EIF2A: variants seen among roughly 807,000 people sequenced by gnomAD.
EIF2A encodes 65 kDa eukaryotic translation initiation factor 2A.
A neutral mutation model predicts 75.2 loss-of-function variants in EIF2A; 62 were observed. That is an observed-to-expected ratio of 0.82 (90% confidence interval 0.67 to 1.02). The LOEUF (loss-of-function observed/expected upper bound fraction) is 1.02. Among genes scored for constraint, EIF2A ranks in the 50% least tolerant of loss-of-function variants. The pLI, the probability that EIF2A is intolerant of heterozygous loss-of-function variation, is 0.00. For missense variants in EIF2A, 611 were observed against 677.7 expected, an observed-to-expected ratio of 0.90 and a Z score of 1.09; for synonymous variants, 207 against 239.0, an observed-to-expected ratio of 0.87 and a Z score of 1.23.
intron 1 of EIF2A, among the ~76,000 whole-genome samples, chr3:150,550,164 AT>A (rs1360939083): frequency 1.3e-5 from 2 of 152,128 alleles, no homozygotes; most frequent in Non-Finnish European, 2.9e-5. Context: ...TGCATTCTAG[AT>A]TTTTCTTTCT....
chr3:150,567,791 T>G (rs766386697), intron 7 of EIF2A, 25 bp downstream of exon 7: 2 of 1,570,032 alleles, frequency 1.3e-6, no homozygotes, highest in Non-Finnish European at 8.6e-7. Context: ...TGTTTATGTG[T>G]AATATTATGT....
Position 150,568,752 on chromosome 3 carries a change from C to T in EIF2A, c.811+460C>T, listed in dbSNP as rs983243145. 1.2e-4 allele frequency among the ~76,000 whole-genome samples: 18 copies of T among 152,016 alleles called. 2 individuals are homozygous for T. The highest frequency in any genetic ancestry group is 1.1e-3 in the Admixed American group (17 of 15,252). The stretch of plus-strand genomic sequence containing the variant: ...TCAACATAGTGAGACCCTACCTCTA[C>T]AAAAAATAGAAAAAGTTAGCCAGGC... On this transcript the variant is annotated intron_variant, in intron 9 of 13. Coordinates refer to ENST00000460851, the MANE Select transcript of EIF2A (RefSeq NM_032025.5).
intron 2 of EIF2A, 137 bp downstream of exon 2, chr3:150,552,562 G>T: frequency 1.5e-6 from 1 of 658,546 alleles, no homozygotes; most frequent in Non-Finnish European, 2.5e-6. Flanking sequence ...TACCGAAGAT[G>T]AAAAGAATAC....
chr3:150,564,318 G>A lies in EIF2A; in HGVS notation c.412G>A (p.Asp138Asn), dbSNP rs1469728290. ...MQNWCPSWSE[D>N]ETLCARNVNN... is the part of the protein sequence containing the mutation. ...ACATAGGTGTCCATCCTGGTCAGAA[G>A]ATGAAACTCTTTGTGCCCGCAATGT... The change falls in exon 6 of 14, where the codon GAT (aspartate) becomes AAT (asparagine). Residue 138 changes from aspartate to asparagine, a missense_variant. Coordinates refer to ENST00000460851, the MANE Select transcript of EIF2A (RefSeq NM_032025.5). The A allele has an allele frequency of 6.3e-7, 1 of 1,595,114 alleles. No individual in the cohort carries two copies.
At chr3:150,553,254 T>C (rs1576587658) in intron 2 of EIF2A, among the ~76,000 whole-genome samples, 1 of 136,598 alleles carries the variant, frequency 7.3e-6, no homozygotes, top group South Asian at 2.3e-4. Flanking sequence ...AACCCGGAGG[T>C]GGAGGTTGCA....
At chr3:150,564,806 T>C (rs1559879361) in intron 6 of EIF2A, 1 of 181,246 alleles carries the variant, frequency 5.5e-6, no homozygotes, top group Non-Finnish European at 1.2e-5. Flanking sequence ...GATATGGTTA[T>C]ACTTTTATAT....
At chr3:150,567,541 T>C in intron 6 of EIF2A, 152 bp from the exon 7 acceptor site, 1 of 586,990 alleles carries the variant, frequency 1.7e-6, no homozygotes, top group East Asian at 3.0e-5. Flanking sequence ...TACCCCATGC[T>C]TTTTCCACTG....
Position 150,575,711 on chromosome 3 carries a change from A to T in EIF2A, c.1446A>T (p.Lys482Asn), listed in dbSNP as rs762055584. Residue 482 changes from lysine (K) to asparagine (N), a missense_variant, in exon 11 of 14, where the codon AAA becomes AAT. Lys to Asn is a moderately conservative substitution (Grantham distance 94). Transcript: ENST00000460851. The stretch of plus-strand genomic sequence containing the variant: ...CAGGAAACGATAAGCCATTATCAAA[A>T]ACAGCTCTTAAAAATCAAAGGAAGC... ...PQSGNDKPLS[K>N]TALKNQRKHE... 1.2e-6 allele frequency: 2 copies of T among 1,613,418 alleles called. No individual in the cohort carries two copies. Among genetic ancestry groups the T allele is most frequent in the South Asian group, 2.2e-5 (2 of 90,908 alleles).
At chr3:150,562,129 A>G (rs1217799891) in intron 3 of EIF2A, among the ~76,000 whole-genome samples, 1 of 151,666 alleles carries the variant, frequency 6.6e-6, no homozygotes, top group Admixed American at 6.6e-5. Context: ...TTTATGAAAA[A>G]TGAACATTTT....
In EIF2A at chr3:150,582,973, ATTAAT is replaced by A. The variant is rs1725275016; in HGVS notation, c.1627-225_1627-221del. ...TATATACACATGCATACACGATAAC[ATTAAT>A]TAAAAGCCTGAGAATAATATTTTGC... On this transcript the variant is annotated intron_variant, in intron 12 of 13. Transcript: ENST00000460851. 6.0e-6 allele frequency: 3 copies of A among 496,696 alleles called. No individual in the cohort carries two copies. In the South Asian group the frequency reaches 8.3e-5, roughly 14 times the overall value. 30.8% of individuals were successfully genotyped at this position (496,696 alleles called of 1,614,324 possible).
At chr3:150,574,817 G>A (rs1724763717) in intron 10 of EIF2A, among the ~76,000 whole-genome samples, 1 of 152,226 alleles carries the variant, frequency 6.6e-6, no homozygotes, top group Non-Finnish European at 1.5e-5. Flanking sequence ...ACTTCATGGA[G>A]AGCTGGTACT....
chr3:150,556,099 T>G (rs1053982363), intron 2 of EIF2A, among the ~76,000 whole-genome samples: 22 of 152,190 alleles, frequency 1.4e-4, no homozygotes, highest in African/African-American at 5.1e-4. Flanking sequence ...GTATGGCCCT[T>G]AACTCTGCAG....
intron 10 of EIF2A, among the ~76,000 whole-genome samples, chr3:150,573,872 T>G (rs964785007): frequency 6.6e-6 from 1 of 152,086 alleles, no homozygotes; most frequent in Non-Finnish European, 1.5e-5. Flanking sequence ...AAATTATACT[T>G]AAAGAATATT....
intron 3 of EIF2A, 136 bp downstream of exon 3, chr3:150,558,598 C>A: frequency 2.9e-6 from 2 of 689,702 alleles, no homozygotes; most frequent in South Asian, 3.2e-5. Flanking sequence ...TATTACCTCT[C>A]GTTACACAAA....
chr3:150,583,888 G>T lies in EIF2A; in HGVS notation c.1735G>T (p.Glu579Ter), dbSNP rs376256539. 1.9e-6 allele frequency: 3 copies of T among 1,613,430 alleles called. No homozygotes were observed. The highest frequency in any genetic ancestry group is 1.1e-5 in the South Asian group (1 of 91,036). The change falls in exon 14 of 14, where the codon GAA becomes TAA. Residue 579 changes from glutamate to a stop codon, truncating the protein, a stop_gained. Transcript: ENST00000460851. LOFTEE classifies it high-confidence loss of function. ...QKETALLQEL[E>*]DLELGI ...AGAAACAGCCCTTCTCCAGGAGCTGGAAGATTTGGAATTGGGTATTTAAAG... is the reference window on the plus strand; with the variant it reads ...AGAAACAGCCCTTCTCCAGGAGCTGTAAGATTTGGAATTGGGTATTTAAAG...
intron 1 of EIF2A, 127 bp downstream of exon 1, chr3:150,546,957 C>A: frequency 7.5e-7 from 1 of 1,330,188 alleles, no homozygotes; most frequent in Non-Finnish European, 1.0e-6. Context: ...GCGGAAAGGC[C>A]AGACTGTTGG....
chr3:150,552,470 C>T, intron 2 of EIF2A, 45 bp downstream of exon 2: 2 of 1,481,276 alleles, frequency 1.4e-6, no homozygotes, highest in Non-Finnish European at 1.8e-6. Flanking sequence ...ACATACAGTA[C>T]AATCTAAAAT....
chr3:150,575,755 C>T lies in EIF2A; in HGVS notation c.1490C>T (p.Ala497Val). 6.2e-7 allele frequency: 1 copy of T among 1,608,998 alleles called. No individual in the cohort carries two copies. The highest frequency in any genetic ancestry group is 1.3e-5 in the African/African-American group (1 of 74,796). Residue 497 changes from alanine (A) to valine (V), a missense_variant, in exon 11 of 14, where the codon GCA (alanine) becomes GTA (valine). Ala to Val is a moderately conservative substitution (Grantham distance 64). Transcript: ENST00000460851. ...AGGAAGCATGAAGCTAAGAAAGCTG[C>T]AAAGCAGGTATTTGGGGCACTAATC... ...NQRKHEAKKA[A>V]KQEARSDKSP... is the part of the protein sequence containing the mutation.
Position 150,584,803 on chromosome 3 carries a change from G to T in EIF2A, c.*892G>T, listed in dbSNP as rs532990337. On this transcript the variant is annotated 3_prime_UTR_variant, in exon 14 of 14. Coordinates refer to ENST00000460851, the MANE Select transcript of EIF2A (RefSeq NM_032025.5). ...GGATGTTTGACTTTCTTCTTAATTT[G>T]TAAGAGTATCCTATGTAGTAACAAA... Among the ~76,000 whole-genome samples, 30 of 151,444 alleles carry T rather than the reference G, an allele frequency of 2.0e-4. No homozygotes were observed. The highest frequency in any genetic ancestry group is 6.8e-4 in the African/African-American group (28 of 41,260).
Sources: gnomAD v4.1 joint callset for allele counts (sites outside exome capture counted in the v4.1 genomes callset) on GRCh38, gnomAD v4.1.1 for gene constraint, MANE v1.5 for transcripts, NCBI Gene and HGNC (gene_info 2026-07-23, HGNC 2026-07-21) for gene names.